The following RAB26 variants were observed in gnomAD, a reference collection of about 807,000 sequenced individuals.
RAB26 encodes ras-related protein Rab-26.
RAB26 carries 39 observed loss-of-function variants against 33.1 expected under a neutral mutation model. That is an observed-to-expected ratio of 1.18 (90% CI 0.91 to 1.54). The LOEUF is 1.54. Among genes scored for constraint, RAB26 ranks in the 40% most tolerant of loss-of-function variants. The pLI, the probability that RAB26 is intolerant of heterozygous loss-of-function variation, is 0.00. For missense variants in RAB26, 468 were observed against 362.9 expected, an observed-to-expected ratio of 1.29 and a Z score of -2.35; for synonymous variants, 192 against 151.9, an observed-to-expected ratio of 1.26 and a Z score of -1.94.
chr16:2,153,563 C>A lies in RAB26; in HGVS notation c.*142C>A. On this transcript the variant is annotated 3_prime_UTR_variant, in exon 9 of 9. Coordinates refer to ENST00000210187, the MANE Select transcript of RAB26 (RefSeq NM_014353.5). ...CAGGAGCCCCAGGTCAAGCCTTGTC[C>A]CTTCCTCCTCCCAGCAACAGTCCCA... 2.7e-6 allele frequency: 2 copies of A among 740,262 alleles called. No homozygotes were observed. Among genetic ancestry groups the A allele is most frequent in the Admixed American group, 2.4e-5 (1 of 41,622 alleles). The allele number at this position is 740,262 out of a possible 1,614,324, so 45.9% of individuals were successfully genotyped here. A position where few individuals can be genotyped will look rare whatever the true frequency, so the allele number is the denominator to read the frequency against.
At position 2,153,608 on chromosome 16, in the gene RAB26, C is replaced by T; in HGVS notation, c.*187C>T. 4.5e-6 allele frequency: 3 copies of T among 669,188 alleles called. No individual in the cohort carries two copies. Among genetic ancestry groups the T allele is most frequent in the East Asian group, 2.7e-5 (1 of 36,508 alleles). 41.5% of individuals were successfully genotyped at this position (669,188 alleles called of 1,614,324 possible). A position where few individuals can be genotyped will look rare whatever the true frequency, so the allele number is the denominator to read the frequency against. Reference sequence around the variant, plus strand: ...GTCCCAACAAGCAGGCTTCTGAGAGCCCGTGGCCGCACACTGGCCGCCACG... The same window carrying T: ...GTCCCAACAAGCAGGCTTCTGAGAGTCCGTGGCCGCACACTGGCCGCCACG... On this transcript the variant is annotated 3_prime_UTR_variant, in exon 9 of 9. Transcript: ENST00000210187.
Position 2,153,462 on chromosome 16 carries a change from C to T in RAB26, c.*41C>T. 1 of 1,581,134 alleles carries T rather than the reference C, an allele frequency of 6.3e-7. No homozygotes were observed. Among genetic ancestry groups the T allele is most frequent in the Non-Finnish European group, 8.7e-7 (1 of 1,152,356 alleles). Reference sequence around the variant, plus strand: ...GTCCTCTGGAGGAAGCCGTCCAGTCCCTAGAAGGCTGGACAGAGGGTCTCC... The same window carrying T: ...GTCCTCTGGAGGAAGCCGTCCAGTCTCTAGAAGGCTGGACAGAGGGTCTCC... On this transcript the variant is annotated 3_prime_UTR_variant, in exon 9 of 9. Transcript: ENST00000210187.
In RAB26 at chr16:2,148,856, G is replaced by A. The variant is rs1425483219; in HGVS notation, c.73G>A (p.Gly25Arg). 1 of 1,408,962 alleles carries A rather than the reference G, an allele frequency of 7.1e-7. No homozygotes were observed. Among genetic ancestry groups the A allele is most frequent in the Non-Finnish European group, 9.3e-7 (1 of 1,079,422 alleles). 87.3% of individuals were successfully genotyped at this position (1,408,962 alleles called of 1,614,324 possible). Reference protein sequence around the residue: ...PAASTLPTANGARPARSGTAL... With the variant: ...PAASTLPTANRARPARSGTAL... ...TGCCTCCACGCTGCCCACCGCCAAC[G>A]GGGCCCGACCGGCGCGCTCCGGGAC... The change falls in exon 1 of 9, where the codon GGG (glycine) becomes AGG (arginine). Residue 25 changes from glycine (G) to arginine (R), a missense_variant. Gly to Arg is a moderately radical substitution (Grantham distance 125, BLOSUM62 -2). Coordinates refer to ENST00000210187, the MANE Select transcript of RAB26 (RefSeq NM_014353.5).
chr16:2,151,065 ACAGGCC>A (rs1189444300), intron 2 of RAB26: 1 of 367,268 alleles, frequency 2.7e-6, no homozygotes, highest in Admixed American at 3.4e-5. Context: ...CTTGGGTCAG[ACAGGCC>A]CAGGCCCAGC....
Position 2,153,781 on chromosome 16 carries a change from C to CA in RAB26, c.*361dup, listed in dbSNP as rs1397890080. 2.1e-6 allele frequency: 1 copy of CA among 484,716 alleles called. No homozygotes were observed. The highest frequency in any genetic ancestry group is 1.9e-5 in the African/African-American group (1 of 51,336). The allele number at this position is 484,716 out of a possible 1,614,324, so 30.0% of individuals were successfully genotyped here. On this transcript the variant is annotated 3_prime_UTR_variant, in exon 9 of 9. Transcript: ENST00000210187. ...CCTAACCCTAGAAAAGCCATGTCTT[C>CA]AGCCGCACATGCTCAGGCAGCTAAG...
chr16:2,152,625 G>A (rs111816371), intron 5 of RAB26, among the ~76,000 whole-genome samples, 195 bp from the exon 6 acceptor site: 5 of 149,878 alleles, frequency 3.3e-5, no homozygotes, highest in East Asian at 2.0e-4. Flanking sequence ...CCCAGGAGAT[G>A]GAGACTGCAG....
chr16:2,149,931 C>CT lies in RAB26; in HGVS notation c.196-8dup. 6.6e-7 allele frequency: 1 copy of CT among 1,516,672 alleles called. No homozygotes were observed. Among genetic ancestry groups the CT allele is most frequent in the Non-Finnish European group, 8.9e-7 (1 of 1,129,860 alleles). The allele number at this position is 1,516,672 out of a possible 1,614,324, so 94.0% of individuals were successfully genotyped here. A position where few individuals can be genotyped will look rare whatever the true frequency, so the allele number is the denominator to read the frequency against. ...GACCAGACTCCCCCCAACCCTCCTG[C>CT]TTGTCCTAGGTCATGCTGGTGGGGG... On this transcript the variant is annotated splice_polypyrimidine_tract_variant and intron_variant, in intron 1 of 8. Coordinates refer to ENST00000210187, the MANE Select transcript of RAB26 (RefSeq NM_014353.5).
At chr16:2,153,088 C>T in intron 7 of RAB26, 43 bp downstream of exon 7, 1 of 1,613,020 alleles carries the variant, frequency 6.2e-7, no homozygotes, top group Non-Finnish European at 8.5e-7. Context: ...CCCCTGGAGG[C>T]TGCGAGCCTA....
rs538023548 is a variant in RAB26 at position 2,150,139 on chromosome 16, G to T, written c.306+88G>T. ...TCTCTGATCCCCATGGTACCAACAG[G>T]CTCGAGGCCTGGACCCCAGAAGCTG... On this transcript the variant is annotated intron_variant, in intron 2 of 8. Coordinates refer to ENST00000210187, the MANE Select transcript of RAB26 (RefSeq NM_014353.5). The T allele has an allele frequency of 7.3e-6, 9 of 1,236,706 alleles. No homozygotes were observed. In the South Asian group the frequency reaches 1.0e-4, roughly 14 times the overall value. 76.6% of individuals were successfully genotyped at this position (1,236,706 alleles called of 1,614,324 possible).
rs1567239044 is a variant in RAB26, at chr16:2,150,032, C to T, written c.287C>T (p.Thr96Ile). The T allele has an allele frequency of 1.3e-6, 2 of 1,544,436 alleles. No individual in the cohort carries two copies. The highest frequency in any genetic ancestry group is 1.7e-6 in the Non-Finnish European group (2 of 1,143,670). Reference sequence around the variant, plus strand: ...TTCCTGGCGGGGACCTTCATCTCCACCGTAGGCATTGACTTCCGGGTGAGT... The same window carrying T: ...TTCCTGGCGGGGACCTTCATCTCCATCGTAGGCATTGACTTCCGGGTGAGT... ...GAFLAGTFIS[T>I]VGIDFRNKVL... is the part of the protein sequence containing the mutation. Residue 96 changes from threonine (T) to isoleucine (I), a missense_variant, in exon 2 of 9, where the codon ACC becomes ATC. By Grantham distance (89) the Thr-to-Ile change is moderately conservative. Transcript: ENST00000210187.
chr16:2,152,820 G>T lies in RAB26; in HGVS notation c.469G>T (p.Ala157Ser). ...TNKASFDNIQAWLTEIHEYAQ... is the reference protein window; with the variant it reads ...TNKASFDNIQSWLTEIHEYAQ... ...CAGCCTGGTCTGCTGCCTCCCACAG[G>T]CCTGGCTGACCGAGATCCACGAGTA... The change falls in exon 6 of 9, where the codon GCC (alanine) becomes TCC (serine). Residue 157 changes from alanine to serine, a missense_variant and splice_region_variant. Coordinates refer to ENST00000210187, the MANE Select transcript of RAB26 (RefSeq NM_014353.5). 3 of 1,605,310 alleles carry T rather than the reference G, an allele frequency of 1.9e-6. No individual in the cohort carries two copies. Among genetic ancestry groups the T allele is most frequent in the African/African-American group, 1.3e-5 (1 of 74,746 alleles).
At position 2,153,151 on chromosome 16, in the gene RAB26, T is replaced by C. The variant is rs1487746504; in HGVS notation, c.597T>C (p.Tyr199=). 4 of 1,613,776 alleles carry C rather than the reference T, an allele frequency of 2.5e-6. No homozygotes were observed. In the South Asian group the frequency reaches 3.3e-5, roughly 13 times the overall value. ...CTGGCAGCAGCTGTTTACAGGAGTA[T>C]GGACTGCCCTTCATGGAGACCAGCG... ...REDGEKLAKE[Y]GLPFMETSAK... Residue 199 remains tyrosine, a synonymous_variant, in exon 8 of 9, where the codon TAT becomes TAC. Transcript: ENST00000210187.
At chr16:2,150,275 G>A (rs1163478299) in intron 2 of RAB26, among the ~76,000 whole-genome samples, 3 of 152,356 alleles carry the variant, frequency 2.0e-5, no homozygotes, top group East Asian at 1.9e-4. Context: ...TGCCTTGGGG[G>A]AGGCGGACAC....
At chr16:2,149,686 A>T (rs990422642) in intron 1 of RAB26, among the ~76,000 whole-genome samples, 9 of 152,046 alleles carry the variant, frequency 5.9e-5, no homozygotes, top group Non-Finnish European at 1.3e-4. Context: ...GGGGGTATGG[A>T]CGTTAGGGAG....
intron 5 of RAB26, among the ~76,000 whole-genome samples, 187 bp downstream of exon 5, chr16:2,152,095 C>G (rs547546956): frequency 6.6e-6 from 1 of 151,292 alleles, no homozygotes; most frequent in Non-Finnish European, 1.5e-5. Context: ...CAGCAGGAGG[C>G]TTTGTGTAAG....
Position 2,153,786 on chromosome 16 carries a change from G to T in RAB26, c.*365G>T. On this transcript the variant is annotated 3_prime_UTR_variant, in exon 9 of 9. Transcript: ENST00000210187. ...CCCTAGAAAAGCCATGTCTTCAGCC[G>T]CACATGCTCAGGCAGCTAAGGGAGG... 1 of 480,138 alleles carries T rather than the reference G, an allele frequency of 2.1e-6. No homozygotes were observed. Among genetic ancestry groups the T allele is most frequent in the South Asian group, 1.5e-5 (1 of 64,784 alleles). 29.7% of individuals were successfully genotyped at this position (480,138 alleles called of 1,614,324 possible). A position where few individuals can be genotyped will look rare whatever the true frequency, so the allele number is the denominator to read the frequency against.
Position 2,148,892 on chromosome 16 carries a change from G to T in RAB26, c.109G>T (p.Gly37Cys). The T allele has an allele frequency of 7.4e-7, 1 of 1,351,902 alleles. No homozygotes were observed. The allele number at this position is 1,351,902 out of a possible 1,614,324, so 83.7% of individuals were successfully genotyped here. Residue 37 changes from glycine to cysteine, a missense_variant, in exon 1 of 9, where the codon GGC becomes TGC. Gly to Cys is a radical substitution (Grantham distance 159, BLOSUM62 -3). Coordinates refer to ENST00000210187, the MANE Select transcript of RAB26 (RefSeq NM_014353.5). ...RPARSGTALS[G>C]PDAPPNGPLQ... Reference sequence around the variant, plus strand: ...GGCGCGCTCCGGGACTGCGCTTTCCGGCCCCGACGCGCCGCCCAACGGGCC... The same window carrying T: ...GGCGCGCTCCGGGACTGCGCTTTCCTGCCCCGACGCGCCGCCCAACGGGCC...
Position 2,154,058 on chromosome 16 carries a change from C to G in RAB26, c.*637C>G. 2 of 344,188 alleles carry G rather than the reference C, an allele frequency of 5.8e-6. No individual in the cohort carries two copies. Among genetic ancestry groups the G allele is most frequent in the South Asian group, 4.3e-5 (2 of 46,256 alleles). 21.3% of individuals were successfully genotyped at this position (344,188 alleles called of 1,614,324 possible). A position where few individuals can be genotyped will look rare whatever the true frequency, so the allele number is the denominator to read the frequency against. ...AGGTGAGGTCTGTGATTTCCGAGCACGCTCCACCTTGCACTCAACTTGGCC... is the reference window on the plus strand; with the variant it reads ...AGGTGAGGTCTGTGATTTCCGAGCAGGCTCCACCTTGCACTCAACTTGGCC... On this transcript the variant is annotated 3_prime_UTR_variant, in exon 9 of 9. Transcript: ENST00000210187.
intron 2 of RAB26, chr16:2,151,351 T>A (rs1416939367): frequency 3.1e-6 from 2 of 637,788 alleles, no homozygotes; most frequent in Non-Finnish European, 5.6e-6. Context: ...TTCAAATAAG[T>A]CAGCGTAAGA....
Sources: gnomAD v4.1 joint callset for allele counts (sites outside exome capture counted in the v4.1 genomes callset) on GRCh38, gnomAD v4.1.1 for gene constraint, MANE v1.5 for transcripts, NCBI Gene and HGNC (gene_info 2026-07-23, HGNC 2026-07-21) for gene names.